The following RGS20 variants were observed in gnomAD, a reference collection of about 807,000 sequenced individuals.
The protein encoded by RGS20 is gz-selective GTPase-activating protein.
A neutral mutation model predicts 33.6 loss-of-function variants in RGS20; 30 were observed. The ratio of observed to expected loss-of-function variants is 0.89; its 90% CI spans 0.67 to 1.21. The LOEUF (loss-of-function observed/expected upper bound fraction) is 1.21, where lower values mean the gene tolerates loss of function less well. Among genes scored for constraint, RGS20 ranks in the 50% most tolerant of loss-of-function variants. The pLI is 0.00. For synonymous variants in RGS20, 208 were observed against 197.9 expected (o/e 1.05, Z -0.43); for missense variants, 472 against 502.4 (o/e 0.94, Z 0.58).
chr8:53,892,242 A>G (rs572026198), intron 2 of RGS20, among the ~76,000 whole-genome samples: 43 of 152,342 alleles, frequency 2.8e-4, no homozygotes, highest in African/African-American at 6.5e-4. Flanking sequence ...ATGGCTGCAT[A>G]GTATTCCATG....
In RGS20 at chr8:53,947,368, TAA is replaced by T. The variant is rs1306905337; in HGVS notation, c.743+621_743+622del. On this transcript the variant is annotated intron_variant, in intron 4 of 5. Transcript: ENST00000297313. ...GTATATATATTATATATGCTATATATAAGATATAGTATATTTATATATGCTAT... is the reference window on the plus strand; with the variant it reads ...GTATATATATTATATATGCTATATATGATATAGTATATTTATATATGCTAT... 2.1e-4 allele frequency among the ~76,000 whole-genome samples: 27 copies of T among 131,112 alleles called. 1 individual carries two copies. The highest frequency in any genetic ancestry group is 2.0e-3 in the East Asian group (9 of 4,610). 86.0% of individuals were successfully genotyped at this position (131,112 alleles called of 152,430 possible).
At chr8:53,941,014 T>C (rs1220314553) in intron 3 of RGS20, among the ~76,000 whole-genome samples, 3 of 152,106 alleles carry the variant, frequency 2.0e-5, no homozygotes, top group Non-Finnish European at 4.4e-5. Flanking sequence ...CAGGTGCAGG[T>C]GAGACTCCAG....
chr8:53,922,059 A>G lies in RGS20; in HGVS notation c.511-17517A>G, dbSNP rs1452034401. ...ATGTCCTCTATTCATATGCTTGTTG[A>G]TCTTCTATCTAGTTGTTCTGTCCAT... On this transcript the variant is annotated intron_variant, in intron 2 of 5. Coordinates refer to ENST00000297313, the MANE Select transcript of RGS20 (RefSeq NM_170587.4). Among the ~76,000 whole-genome samples the G allele has an allele frequency of 4.6e-5, 7 of 151,934 alleles. No homozygotes were observed. In the East Asian group the frequency reaches 1.2e-3, roughly 25 times the overall value.
chr8:53,952,731 A>G (rs1295620900), intron 4 of RGS20, among the ~76,000 whole-genome samples: 1 of 152,170 alleles, frequency 6.6e-6, no homozygotes, highest in African/African-American at 2.4e-5. Context: ...GTCTCAAGAA[A>G]ATAAAATAAA....
Position 53,865,601 on chromosome 8 carries a change from G to T in RGS20, c.165+13537G>T, listed in dbSNP as rs530196058. Among the ~76,000 whole-genome samples the T allele has an allele frequency of 1.4e-3, 218 of 152,210 alleles. 2 individuals carry two copies. The highest frequency in any genetic ancestry group is 4.6e-3 in the African/African-American group (192 of 41,532). On this transcript the variant is annotated intron_variant, in intron 1 of 5. Transcript: ENST00000297313. Reference sequence around the variant, plus strand: ...GTACTGCTTAGGTTTTTTTGTGGGGGTTTTTTGTTTGTTTGTTTGTTTTTG... The same window carrying T: ...GTACTGCTTAGGTTTTTTTGTGGGGTTTTTTTGTTTGTTTGTTTGTTTTTG...
intron 1 of RGS20, among the ~76,000 whole-genome samples, chr8:53,864,758 A>T (rs1563341108): frequency 6.6e-6 from 1 of 152,242 alleles, no homozygotes; most frequent in Non-Finnish European, 1.5e-5. Context: ...GTCAGAGATC[A>T]TATGGTATTT....
rs1338896546 is a variant in RGS20 at position 53,889,408 on chromosome 8, CTCTCTTTTTTTTTTTTTTT to C, written c.510+9808_510+9826del. Among the ~76,000 whole-genome samples the C allele has an allele frequency of 3.5e-3, 305 of 88,174 alleles. 1 individual carries two copies. Among genetic ancestry groups the C allele is most frequent in the African/African-American group, 0.013 (253 of 19,562 alleles). The allele number at this position is 88,174 out of a possible 152,430, so 57.8% of individuals were successfully genotyped here. ...TTTTTCTTTCTTTCTTTCTCTCTCT[CTCTCTTTTTTTTTTTTTTT>C]TTTTTTTTTTTTTTTTTTTTTTTTG... On this transcript the variant is annotated intron_variant, in intron 2 of 5. Transcript: ENST00000297313.
At chr8:53,926,940 C>T (rs1360464898) in intron 2 of RGS20, among the ~76,000 whole-genome samples, 2 of 152,040 alleles carry the variant, frequency 1.3e-5, no homozygotes, top group Non-Finnish European at 2.9e-5. Context: ...AAGAACCTCT[C>T]TGAGATAATT....
In RGS20 at chr8:53,909,205, G is replaced by GTGTGTGTA. The variant is rs1298126630; in HGVS notation, c.510+29608_510+29609insGTATGTGT. Among the ~76,000 whole-genome samples, 353 of 55,722 alleles carry GTGTGTGTA rather than the reference G, an allele frequency of 6.3e-3. 11 individuals carry two copies. The highest frequency in any genetic ancestry group is 0.033 in the African/African-American group (337 of 10,184). 36.6% of individuals were successfully genotyped at this position (55,722 alleles called of 152,430 possible). A position where few individuals can be genotyped will look rare whatever the true frequency, so the allele number is the denominator to read the frequency against. On this transcript the variant is annotated intron_variant, in intron 2 of 5. Coordinates refer to ENST00000297313, the MANE Select transcript of RGS20 (RefSeq NM_170587.4). ...AGTACTCTATTATCCATTATGGTAT[G>GTGTGTGTA]TGTGTATATATATATATATATATAT... is the stretch of plus-strand genomic sequence containing the variant.
In RGS20 at chr8:53,958,589, C is replaced by G. The variant is rs932934773; in HGVS notation, c.*131C>G. On this transcript the variant is annotated 3_prime_UTR_variant, in exon 6 of 6. Coordinates refer to ENST00000297313, the MANE Select transcript of RGS20 (RefSeq NM_170587.4). ...CAGGCTATTCTAATAACAGATGATT[C>G]CTTCAACAGACTGCTATATATTCAC... 9.4e-6 allele frequency: 4 copies of G among 427,300 alleles called. No individual in the cohort carries two copies. Among genetic ancestry groups the G allele is most frequent in the African/African-American group, 8.2e-5 (4 of 48,694 alleles). The allele number at this position is 427,300 out of a possible 1,614,324, so 26.5% of individuals were successfully genotyped here.
At chr8:53,871,016 CAGG>C (rs769296950) in intron 1 of RGS20, among the ~76,000 whole-genome samples, 6 of 137,052 alleles carry the variant, frequency 4.4e-5, no homozygotes, top group Non-Finnish European at 9.0e-5. Context: ...GAGGCTGAGA[CAGG>C]AGAATTGCTT....
chr8:53,914,577 G>A (rs1381217356), intron 2 of RGS20: 1 of 152,142 alleles, frequency 6.6e-6, no homozygotes, highest in Non-Finnish European at 1.5e-5. Flanking sequence ...AACAGGCAGT[G>A]AATTTCTTCT....
At chr8:53,880,836 G>T in intron 2 of RGS20, 36 bp from the exon 1 acceptor site, 1 of 1,374,856 alleles carries the variant, frequency 7.3e-7, no homozygotes, top group Non-Finnish European at 9.4e-7. Flanking sequence ...GGGATTGCCC[G>T]GCCGGGTAAA....
intron 3 of RGS20, among the ~76,000 whole-genome samples, chr8:53,942,204 CAG>C (rs1814318584): frequency 6.6e-6 from 1 of 151,994 alleles, no homozygotes. Context: ...ACCTGGGAGG[CAG>C]AGGTTTCGGT....
chr8:53,940,032 T>C (rs142786428), intron 3 of RGS20, among the ~76,000 whole-genome samples: 87 of 152,270 alleles, frequency 5.7e-4, no homozygotes, highest in African/African-American at 2.0e-3. Flanking sequence ...TTAGAAAGAA[T>C]TGGACTCGAG....
intron 2 of RGS20, among the ~76,000 whole-genome samples, chr8:53,927,073 T>G (rs965532857): frequency 2.0e-5 from 3 of 152,214 alleles, no homozygotes; most frequent in Non-Finnish European, 2.9e-5. Flanking sequence ...CTCTTAGATG[T>G]TGAGTTCCTA....
chr8:53,920,262 T>C (rs1813604332), intron 2 of RGS20, among the ~76,000 whole-genome samples: 1 of 152,112 alleles, frequency 6.6e-6, no homozygotes, highest in South Asian at 2.1e-4. Flanking sequence ...TATTTCTAAT[T>C]ATTTTATTCT....
At chr8:53,892,835 T>G (rs1812751929) in intron 2 of RGS20, among the ~76,000 whole-genome samples, 2 of 152,180 alleles carry the variant, frequency 1.3e-5, no homozygotes, top group Admixed American at 1.3e-4. Context: ...TTTCTAAAAT[T>G]TTCACCATTT....
chr8:53,873,186 C>T (rs1365773621), intron 1 of RGS20, among the ~76,000 whole-genome samples: 2 of 152,172 alleles, frequency 1.3e-5, no homozygotes, highest in Non-Finnish European at 2.9e-5. Context: ...TCGTCATCTA[C>T]CATGAATAAA....
Sources: gnomAD v4.1 joint callset for allele counts (sites outside exome capture counted in the v4.1 genomes callset) on GRCh38, gnomAD v4.1.1 for gene constraint, MANE v1.5 for transcripts, NCBI Gene and HGNC (gene_info 2026-07-23, HGNC 2026-07-21) for gene names.